Variants in CACNB2 observed in about 807,000 individuals in gnomAD.
CACNB2 encodes voltage-dependent L-type calcium channel subunit beta-2.
CACNB2 carries 42 observed loss-of-function variants against 73.3 expected under a neutral mutation model. That is an observed-to-expected ratio of 0.57 (90% confidence interval 0.45 to 0.74). The LOEUF (loss-of-function observed/expected upper bound fraction) is 0.74. Ranked by LOEUF, CACNB2 falls within the 30% of genes least tolerant of loss-of-function variation. The pLI is 0.00. For missense variants in CACNB2, 940 were observed against 853.0 expected, an observed-to-expected ratio of 1.10 and a Z score of -1.27; for synonymous variants, 348 against 310.3, an observed-to-expected ratio of 1.12 and a Z score of -1.28.
At chr10:18,427,059 G>C (rs918178305) in intron 3 of CACNB2, among the ~76,000 whole-genome samples, 2 of 146,250 alleles carry the variant, frequency 1.4e-5, no homozygotes, top group Admixed American at 7.1e-5. Flanking sequence ...GGGTTCAAGC[G>C]ATTCTCCTGC....
At chr10:18,283,806 C>A (rs1297056799) in intron 2 of CACNB2, among the ~76,000 whole-genome samples, 1 of 152,094 alleles carries the variant, frequency 6.6e-6, no homozygotes. Flanking sequence ...TACCCTAGAA[C>A]TTAAAGTATA....
chr10:18,467,225 A>G (rs2047941390), intron 3 of CACNB2, among the ~76,000 whole-genome samples: 1 of 152,330 alleles, frequency 6.6e-6, no homozygotes, highest in East Asian at 1.9e-4. Context: ...GAAATAATCT[A>G]TTCTAAAGTA....
intron 2 of CACNB2, chr10:18,256,488 A>C (rs2037291156): frequency 6.6e-6 from 1 of 152,158 alleles, no homozygotes; most frequent in Non-Finnish European, 1.5e-5. Flanking sequence ...GCTGTGTCTA[A>C]ACTCTTTTGC....
intron 3 of CACNB2, among the ~76,000 whole-genome samples, chr10:18,485,305 A>G (rs1488119075): frequency 1.3e-5 from 2 of 152,194 alleles, no homozygotes; most frequent in Non-Finnish European, 2.9e-5. Context: ...AAGGATAACT[A>G]GAAAGTAAGA....
chr10:18,232,471 G>A (rs942355911), intron 2 of CACNB2, among the ~76,000 whole-genome samples: 6 of 152,122 alleles, frequency 3.9e-5, no homozygotes, highest in Admixed American at 6.6e-5. Flanking sequence ...TATAGGAAAG[G>A]AATAATTGAA....
At position 18,503,324 on chromosome 10, in the gene CACNB2, C is replaced by T. The variant is rs567451133; in HGVS notation, c.593+2376C>T. ...GCTAATGAAACCTTATGGCCAAGCA[C>T]GGTGGCTCATGCCTGTAATCCCAGC... On this transcript the variant is annotated intron_variant, in intron 5 of 13. Coordinates refer to ENST00000324631, the MANE Select transcript of CACNB2 (RefSeq NM_201596.3). Among the ~76,000 whole-genome samples the T allele has an allele frequency of 1.3e-4, 20 of 152,238 alleles. No individual in the cohort carries two copies. The East Asian group carries it at 1.7e-3, about 13-fold the overall frequency.
At chr10:18,141,006 C>G in intron 1 of CACNB2, 150 bp downstream of exon 1, 1 of 1,525,992 alleles carries the variant, frequency 6.6e-7, no homozygotes. Context: ...CTCCTGGCGC[C>G]GGGGACCCTG....
In CACNB2 at chr10:18,140,707, G is replaced by T; in HGVS notation, c.-30G>T. ...GGAGGGGACCCGCCGCCGGGGGCTG[G>T]CTGCTTCGCTCCGAGCCGACTTTTC... On this transcript the variant is annotated 5_prime_UTR_variant, in exon 1 of 14. Coordinates refer to ENST00000324631, the MANE Select transcript of CACNB2 (RefSeq NM_201596.3). 1 of 1,574,712 alleles carries T rather than the reference G, an allele frequency of 6.4e-7. No homozygotes were observed.
In CACNB2 at chr10:18,178,543, TA is replaced by T. The variant is rs1435257020; in HGVS notation, c.213+27569del. Among the ~76,000 whole-genome samples the T allele has an allele frequency of 2.6e-5, 4 of 152,202 alleles. No homozygotes were observed. The East Asian group carries it at 7.7e-4, about 29-fold the overall frequency. ...CTTTTTTGATTCCTTTTATTTTTAT[TA>T]TTTTTTTTAGCTTAGAGAAAGGTCA... is the stretch of plus-strand genomic sequence containing the variant. On this transcript the variant is annotated intron_variant, in intron 2 of 13. Transcript: ENST00000324631.
At chr10:18,205,087 A>T (rs200211654) in intron 2 of CACNB2, among the ~76,000 whole-genome samples, 12 of 18,292 alleles carry the variant, frequency 6.6e-4, no homozygotes, top group Non-Finnish European at 1.1e-3. Flanking sequence ...GAGGGTTTTT[A>T]AAAAAAAATT....
chr10:18,275,102 C>G (rs1379842516), intron 2 of CACNB2, among the ~76,000 whole-genome samples: 1 of 152,174 alleles, frequency 6.6e-6, no homozygotes, highest in African/African-American at 2.4e-5. Flanking sequence ...AGGTGTTTCT[C>G]ATGGCATTTT....
chr10:18,204,971 T>C lies in CACNB2; in HGVS notation c.213+53996T>C, dbSNP rs1010076380. Among the ~76,000 whole-genome samples the C allele has an allele frequency of 6.9e-4, 67 of 97,578 alleles. 1 individual carries two copies. The highest frequency in any genetic ancestry group is 2.0e-3 in the African/African-American group (67 of 32,740). The allele number at this position is 97,578 out of a possible 152,430, so 64.0% of individuals were successfully genotyped here. On this transcript the variant is annotated intron_variant, in intron 2 of 13. Coordinates refer to ENST00000324631, the MANE Select transcript of CACNB2 (RefSeq NM_201596.3). Reference sequence around the variant, plus strand: ...ACTTCTTGCTGGATTCCTTAAACTTTACCAGAAAAAAAAAAAAAAAAAGGT... The same window carrying C: ...ACTTCTTGCTGGATTCCTTAAACTTCACCAGAAAAAAAAAAAAAAAAAGGT...
intron 3 of CACNB2, among the ~76,000 whole-genome samples, chr10:18,450,730 C>G (rs1346473993): frequency 6.7e-6 from 1 of 148,288 alleles, no homozygotes; most frequent in Non-Finnish European, 1.5e-5. Flanking sequence ...TCAAGCAATT[C>G]TCCCCTCTCA....
At chr10:18,532,228 C>T (rs1260268881) in intron 10 of CACNB2, among the ~76,000 whole-genome samples, 1 of 152,138 alleles carries the variant, frequency 6.6e-6, no homozygotes, top group Admixed American at 6.5e-5. Flanking sequence ...AAACTCTTTC[C>T]CTTTAATTAA....
chr10:18,443,331 C>T (rs1306328790), intron 3 of CACNB2, among the ~76,000 whole-genome samples: 1 of 151,870 alleles, frequency 6.6e-6, no homozygotes, highest in Non-Finnish European at 1.5e-5. Flanking sequence ...ATCAGTTCAC[C>T]TGGAGTACCG....
intron 2 of CACNB2, among the ~76,000 whole-genome samples, chr10:18,297,514 T>C (rs2039326186): frequency 6.6e-6 from 1 of 152,198 alleles, no homozygotes; most frequent in Non-Finnish European, 1.5e-5. Flanking sequence ...GCTATGATCA[T>C]GACACTGCAT....
chr10:18,150,855 C>A lies in CACNB2; in HGVS notation c.121-28C>A, dbSNP rs79936088. 1.7e-4 allele frequency: 80 copies of A among 484,664 alleles called. 1 individual carries two copies. The highest frequency in any genetic ancestry group is 9.6e-4 in the East Asian group (17 of 17,772). 30.0% of individuals were successfully genotyped at this position (484,664 alleles called of 1,614,324 possible). Reference sequence around the variant, plus strand: ...AGGGTCTCATAATAATCTTATTTGTCTTTTTTTTTTTTTTTTTTTTTTTTT... The same window carrying A: ...AGGGTCTCATAATAATCTTATTTGTATTTTTTTTTTTTTTTTTTTTTTTTT... On this transcript the variant is annotated intron_variant, in intron 1 of 13. Coordinates refer to ENST00000324631, the MANE Select transcript of CACNB2 (RefSeq NM_201596.3).
chr10:18,164,171 T>C (rs929635703), intron 2 of CACNB2, among the ~76,000 whole-genome samples: 2 of 152,236 alleles, frequency 1.3e-5, no homozygotes, highest in Admixed American at 1.3e-4. Context: ...GGTTTTCTAC[T>C]AGATGTCAAT....
chr10:18,477,666 A>G (rs1237758185), intron 3 of CACNB2, among the ~76,000 whole-genome samples: 2 of 152,192 alleles, frequency 1.3e-5, no homozygotes, highest in Non-Finnish European at 2.9e-5. Context: ...TTAAAGGGGA[A>G]GAGTGGGCTG....
Sources: allele counts gnomAD v4.1 joint callset (sites outside exome capture counted in the v4.1 genomes callset), GRCh38; gene constraint gnomAD v4.1.1; transcripts MANE v1.5; gene names NCBI Gene and HGNC (gene_info 2026-07-23, HGNC 2026-07-21).